RICTOR: variants seen among roughly 807,000 people sequenced by gnomAD.
RICTOR encodes the protein rapamycin-insensitive companion of mTOR.
RICTOR carries 49 observed loss-of-function variants against 214.9 expected under a neutral mutation model. That is an observed-to-expected ratio of 0.23 (90% CI 0.18 to 0.29). RICTOR has a LOEUF of 0.29. RICTOR is among the 10% of genes least tolerant of loss of function. The pLI is 1.00. For synonymous variants in RICTOR, 717 were observed against 711.3 expected (o/e 1.01, Z -0.13); for missense variants, 1,625 against 2,047.0 (o/e 0.79, Z 3.98).
At chr5:39,011,131 T>C (rs1239064002) in intron 3 of RICTOR, among the ~76,000 whole-genome samples, 1 of 152,142 alleles carries the variant, frequency 6.6e-6, no homozygotes, top group Non-Finnish European at 1.5e-5. Context: ...GCCCAGGGAC[T>C]TGCTGCTTTG....
chr5:39,037,337 T>A (rs1053701517), intron 2 of RICTOR, among the ~76,000 whole-genome samples: 1 of 151,944 alleles, frequency 6.6e-6, no homozygotes, highest in Non-Finnish European at 1.5e-5. Flanking sequence ...GGGAAATTTA[T>A]AGCACTAAAT....
intron 2 of RICTOR, among the ~76,000 whole-genome samples, chr5:39,029,713 C>CT: frequency 6.6e-6 from 1 of 152,324 alleles, no homozygotes; most frequent in Admixed American, 6.5e-5. Flanking sequence ...AATCACTTAA[C>CT]TTTATGAGCA....
chr5:38,951,419 A>G (rs1409787579), intron 30 of RICTOR, among the ~76,000 whole-genome samples: 1 of 152,036 alleles, frequency 6.6e-6, no homozygotes, highest in Non-Finnish European at 1.5e-5. Context: ...TACCATTTCT[A>G]TATTTTGTCA....
At chr5:39,012,833 AT>A (rs904902591) in intron 3 of RICTOR, among the ~76,000 whole-genome samples, 1 of 151,882 alleles carries the variant, frequency 6.6e-6, no homozygotes, top group African/African-American at 2.4e-5. Context: ...CCATCCATGC[AT>A]TTTTTTTAAT....
chr5:38,965,850 T>C (rs981309413), intron 15 of RICTOR, among the ~76,000 whole-genome samples: 1 of 152,106 alleles, frequency 6.6e-6, no homozygotes, highest in Non-Finnish European at 1.5e-5. Flanking sequence ...ACAAAAAACA[T>C]CTGCTAAAAA....
At chr5:39,028,175 C>CTTTTTTTTTTTTT (rs70982535) in intron 2 of RICTOR, among the ~76,000 whole-genome samples, 1 of 78,404 alleles carries the variant, frequency 1.3e-5, no homozygotes, top group Non-Finnish European at 2.3e-5. Context: ...AACTGGAATT[C>CTTTTTTTTTTTTT]TTTTTTTTTT....
intron 2 of RICTOR, among the ~76,000 whole-genome samples, chr5:39,031,135 C>T (rs1356173257): frequency 3.9e-5 from 6 of 152,248 alleles, no homozygotes; most frequent in African/African-American, 1.4e-4. Flanking sequence ...TGGAGGCTGA[C>T]TAGAATCTTG....
chr5:38,948,454 G>C (rs185714099), intron 31 of RICTOR, among the ~76,000 whole-genome samples: 285 of 152,134 alleles, frequency 1.9e-3, no homozygotes, highest in Non-Finnish European at 2.2e-3. Flanking sequence ...AACAATTATT[G>C]GATTATTCCC....
chr5:38,980,851 A>G (rs909857941), intron 8 of RICTOR: 1 of 152,140 alleles, frequency 6.6e-6, no homozygotes, highest in Non-Finnish European at 1.5e-5. Context: ...ATCTCAAAAC[A>G]AAACAAAAAG....
intron 2 of RICTOR, among the ~76,000 whole-genome samples, chr5:39,030,713 T>G (rs1756216067): frequency 6.6e-6 from 1 of 152,156 alleles, no homozygotes; most frequent in Admixed American, 6.5e-5. Context: ...TGCCACACAG[T>G]AGGCTTTCAA....
chr5:39,054,257 G>A (rs1457237841), intron 2 of RICTOR, among the ~76,000 whole-genome samples: 1 of 151,926 alleles, frequency 6.6e-6, no homozygotes, highest in East Asian at 1.9e-4. Flanking sequence ...CTGCCTATAA[G>A]CCATCCTGAT....
intron 2 of RICTOR, among the ~76,000 whole-genome samples, 182 bp from the exon 3 acceptor site, chr5:39,021,318 T>C (rs1221897728): frequency 6.6e-6 from 1 of 152,186 alleles, no homozygotes; most frequent in Non-Finnish European, 1.5e-5. Flanking sequence ...ACTTCACATC[T>C]CTACTCCCCT....
intron 3 of RICTOR, among the ~76,000 whole-genome samples, chr5:39,009,029 A>G (rs10060696): frequency 0.18 from 27,415 of 152,090 alleles, 2,688 homozygotes; most frequent in Middle Eastern, 0.22. Context: ...TAATTTACAC[A>G]TATCAACTCA....
chr5:39,055,670 G>C (rs753104425), intron 2 of RICTOR, among the ~76,000 whole-genome samples: 7 of 152,082 alleles, frequency 4.6e-5, no homozygotes, highest in Non-Finnish European at 7.4e-5. Flanking sequence ...TATGCCAATT[G>C]TAAGAAAGGT....
intron 9 of RICTOR, among the ~76,000 whole-genome samples, chr5:38,977,497 G>T (rs1751333751): frequency 6.6e-6 from 1 of 151,932 alleles, no homozygotes; most frequent in South Asian, 2.1e-4. Context: ...AGTCTTAGAG[G>T]ACATCTACTT....
In RICTOR at chr5:38,941,642, C is replaced by G; in HGVS notation, c.*662G>C. The G allele has an allele frequency of 4.3e-6, 1 of 232,164 alleles. No individual in the cohort carries two copies. Among genetic ancestry groups the G allele is most frequent in the Non-Finnish European group, 8.5e-6 (1 of 117,224 alleles). The allele number at this position is 232,164 out of a possible 1,614,324, so 14.4% of individuals were successfully genotyped here. On this transcript the variant is annotated 3_prime_UTR_variant, in exon 38 of 38. Coordinates refer to ENST00000357387, the MANE Select transcript of RICTOR (RefSeq NM_152756.5). ...TATATCCTGTAATAACACATTGCAA[C>G]AAAATGAAGAGTTGGAAAACAAGAA...
chr5:39,064,729 T>C (rs1034023770), intron 2 of RICTOR, among the ~76,000 whole-genome samples: 1 of 152,186 alleles, frequency 6.6e-6, no homozygotes, highest in Non-Finnish European at 1.5e-5. Flanking sequence ...TAAAGTGCTA[T>C]GAAATACCAC....
At chr5:39,013,524 T>C (rs764364996) in intron 3 of RICTOR, among the ~76,000 whole-genome samples, 48 of 152,174 alleles carry the variant, frequency 3.2e-4, no homozygotes, top group Non-Finnish European at 5.9e-4. Flanking sequence ...GATCAAGTTT[T>C]AAAAAATGTA....
In RICTOR at chr5:38,990,585, CATGATATATACGATATATATGATATATAT is replaced by C. The variant is rs1561501246; in HGVS notation, c.583+335_583+363del. ...ATATACACGATATATATGATATATA[CATGATATATACGATATATATGATATATAT>C]ACGATATATGATATATATATCTGAC... On this transcript the variant is annotated intron_variant, in intron 7 of 37. Coordinates refer to ENST00000357387, the MANE Select transcript of RICTOR (RefSeq NM_152756.5). Among the ~76,000 whole-genome samples, 758 of 139,380 alleles carry C rather than the reference CATGATATATACGATATATATGATATATAT, an allele frequency of 5.4e-3. 16 individuals carry two copies. Among genetic ancestry groups the C allele is most frequent in the African/African-American group, 0.02 (714 of 36,206 alleles). 91.4% of individuals were successfully genotyped at this position (139,380 alleles called of 152,430 possible).
Sources: allele counts gnomAD v4.1 joint callset (sites outside exome capture counted in the v4.1 genomes callset), GRCh38; gene constraint gnomAD v4.1.1; transcripts MANE v1.5; gene names NCBI Gene and HGNC (gene_info 2026-07-23, HGNC 2026-07-21).